The following DBF4 variants were observed in gnomAD, a reference collection of about 807,000 sequenced individuals.
DBF4 encodes DBF4-CDC7 kinase regulatory subunit.
In DBF4, 25 loss-of-function variants were observed where a neutral mutation model predicts 76.6. The observed-to-expected ratio is 0.33, with a 90% confidence interval of 0.24 to 0.46. The LOEUF (loss-of-function observed/expected upper bound fraction) is 0.46, where lower values mean the gene tolerates loss of function less well. Ranked by LOEUF, DBF4 falls within the 20% of genes least tolerant of loss-of-function variation. DBF4 has a pLI of 1.00. For synonymous variants in DBF4, 213 were observed against 258.0 expected (o/e 0.83, Z 1.67); for missense variants, 638 against 760.8 (o/e 0.84, Z 1.90).
intron 7 of DBF4, 59 bp from the exon 8 acceptor site, chr7:87,897,235 T>TAAAA (rs11422356): frequency 5.4e-4 from 708 of 1,315,712 alleles, no homozygotes; most frequent in African/African-American, 2.3e-3. Context: ...GTAGTTTTAT[T>TAAAA]AAAAAAAAAA....
chr7:87,905,486 T>C (rs968023887), intron 11 of DBF4, among the ~76,000 whole-genome samples: 2 of 152,216 alleles, frequency 1.3e-5, no homozygotes, highest in Admixed American at 1.3e-4. Flanking sequence ...CTAAACCTTA[T>C]GATGGGTATG....
chr7:87,905,827 T>C (rs117654511), intron 11 of DBF4, among the ~76,000 whole-genome samples: 1 of 152,136 alleles, frequency 6.6e-6, no homozygotes, highest in Admixed American at 6.5e-5. Context: ...TGACTTAATA[T>C]GGATTTGAAG....
chr7:87,887,193 A>G (rs774407458), intron 4 of DBF4, 136 bp from the exon 5 acceptor site: 2 of 729,680 alleles, frequency 2.7e-6, no homozygotes, highest in Non-Finnish European at 4.4e-6. Flanking sequence ...TTGATGTCCT[A>G]GCTATTGTAA....
At chr7:87,883,368 G>C (rs1349002884) in intron 2 of DBF4, among the ~76,000 whole-genome samples, 1 of 152,188 alleles carries the variant, frequency 6.6e-6, no homozygotes, top group Non-Finnish European at 1.5e-5. Context: ...GTTGCATAAT[G>C]TGAGTGTACT....
At chr7:87,884,252 C>T (rs10225955) in intron 2 of DBF4, among the ~76,000 whole-genome samples, 7,442 of 152,176 alleles carry the variant, frequency 0.049, 272 homozygotes, top group East Asian at 0.092. Flanking sequence ...TTGAGCTAGG[C>T]GCAGTAGTGT....
Position 87,907,268 on chromosome 7 carries a change from T to C in DBF4, c.1130T>C (p.Leu377Ser). ...ACTGAACAAAAGGAAAAAGTGGAAT[T>C]GCAACATATTTCTCAGAAAGATTGC... is the stretch of plus-strand genomic sequence containing the variant. ...KKTEQKEKVE[L>S]QHISQKDCQE... Residue 377 changes from leucine to serine, a missense_variant, in exon 12 of 12, where the codon TTG becomes TCG. Physicochemically the swap from Leu to Ser is moderately radical, Grantham distance 145. Transcript: ENST00000265728. 2 of 1,613,846 alleles carry C rather than the reference T, an allele frequency of 1.2e-6. No homozygotes were observed. Among genetic ancestry groups the C allele is most frequent in the Non-Finnish European group, 1.7e-6 (2 of 1,179,886 alleles).
intron 6 of DBF4, among the ~76,000 whole-genome samples, chr7:87,895,823 C>G (rs1054358198): frequency 1.3e-5 from 2 of 152,100 alleles, no homozygotes. Flanking sequence ...CTAATTGGGA[C>G]CCACCCTCAG....
At chr7:87,900,483 T>TA (rs1839749787) in intron 9 of DBF4, 134 bp downstream of exon 9, 1 of 1,095,614 alleles carries the variant, frequency 9.1e-7, no homozygotes, top group Non-Finnish European at 1.3e-6. Context: ...ATTACTTTTA[T>TA]AAGTCTGAAT....
chr7:87,892,249 C>G (rs1214786208), intron 6 of DBF4, among the ~76,000 whole-genome samples: 1 of 152,192 alleles, frequency 6.6e-6, no homozygotes, highest in Non-Finnish European at 1.5e-5. Context: ...GTGTTTATCC[C>G]CCCATTCCCT....
rs745376328 is a variant in DBF4, at chr7:87,885,032, G to A, written c.273G>A (p.Lys91=). The A allele has an allele frequency of 1.2e-6, 2 of 1,613,462 alleles. No homozygotes were observed. The highest frequency in any genetic ancestry group is 2.2e-5 in the East Asian group (1 of 44,868). The change falls in exon 3 of 12, where the codon AAG becomes AAA. Residue 91 remains lysine (K), a synonymous_variant. Transcript: ENST00000265728. ...KDISYLISNK[K]EAKFAQTLGR... ...TCAGTTATCTTATTTCAAATAAGAA[G>A]GAAGCTAAATTTGCACAAACCTTGG...
At chr7:87,905,684 C>G (rs1839897685) in intron 11 of DBF4, among the ~76,000 whole-genome samples, 1 of 152,156 alleles carries the variant, frequency 6.6e-6, no homozygotes, top group Non-Finnish European at 1.5e-5. Flanking sequence ...ACTAATCTTA[C>G]TTAAGACATA....
In DBF4 at chr7:87,885,088, C is replaced by G. The variant is rs61758725; in HGVS notation, c.329C>G (p.Ser110Cys). ...GRISPVPSPESAYTAETTSPH... is the reference protein window; with the variant it reads ...GRISPVPSPECAYTAETTSPH... ...ATTTCTCCTGTACCAAGTCCAGAATCTGCATATACTGCAGAAACCACTTCA... is the reference window on the plus strand; with the variant it reads ...ATTTCTCCTGTACCAAGTCCAGAATGTGCATATACTGCAGAAACCACTTCA... The change falls in exon 3 of 12, where the codon TCT becomes TGT. Residue 110 changes from serine (S) to cysteine (C), a missense_variant. By Grantham distance (112) the Ser-to-Cys change is moderately radical. Coordinates refer to ENST00000265728, the MANE Select transcript of DBF4 (RefSeq NM_006716.4). 1 of 1,613,976 alleles carries G rather than the reference C, an allele frequency of 6.2e-7. No homozygotes were observed. Among genetic ancestry groups the G allele is most frequent in the Non-Finnish European group, 8.5e-7 (1 of 1,179,898 alleles).
At chr7:87,882,330 A>G (rs1839236693) in intron 2 of DBF4, among the ~76,000 whole-genome samples, 1 of 152,212 alleles carries the variant, frequency 6.6e-6, no homozygotes, top group Non-Finnish European at 1.5e-5. Context: ...AATGAGCTCA[A>G]AATGGATCTA....
intron 8 of DBF4, among the ~76,000 whole-genome samples, chr7:87,899,233 A>G (rs573124863): frequency 2.6e-5 from 4 of 152,328 alleles, no homozygotes; most frequent in Non-Finnish European, 4.4e-5. Context: ...ATTAAATTGG[A>G]CCATATCAAA....
intron 1 of DBF4, among the ~76,000 whole-genome samples, chr7:87,877,041 A>G (rs887902382): frequency 2.0e-5 from 3 of 152,074 alleles, no homozygotes; most frequent in African/African-American, 7.2e-5. Flanking sequence ...CTAGCAAACA[A>G]TGTGCAGATC....
chr7:87,902,667 G>T (rs145939896), intron 10 of DBF4, among the ~76,000 whole-genome samples: 121 of 152,262 alleles, frequency 7.9e-4, no homozygotes, highest in African/African-American at 2.8e-3. Context: ...CTAAATAAAA[G>T]TTGGAAATTT....
At chr7:87,900,538 A>G (rs184167198) in intron 9 of DBF4, among the ~76,000 whole-genome samples, 189 bp downstream of exon 9, 1 of 151,968 alleles carries the variant, frequency 6.6e-6, no homozygotes, top group East Asian at 1.9e-4. Context: ...TTTGTGAATA[A>G]TGAAAATGTG....
At chr7:87,878,333 A>T (rs1399713212) in intron 2 of DBF4, 108 bp downstream of exon 2, 1 of 852,644 alleles carries the variant, frequency 1.2e-6, no homozygotes. Flanking sequence ...ATTAGCACCA[A>T]GCTTAACATT....
chr7:87,902,625 G>T (rs1241570894), intron 10 of DBF4, among the ~76,000 whole-genome samples: 1 of 152,150 alleles, frequency 6.6e-6, no homozygotes, highest in Admixed American at 6.6e-5. Flanking sequence ...ATAAGGATGA[G>T]TAAGAAGAAC....
Sources: allele counts gnomAD v4.1 joint callset (sites outside exome capture counted in the v4.1 genomes callset), GRCh38; gene constraint gnomAD v4.1.1; transcripts MANE v1.5; gene names NCBI Gene and HGNC (gene_info 2026-07-23, HGNC 2026-07-21).